Variants in GRM3 observed in about 807,000 individuals in gnomAD.
The protein encoded by GRM3 is metabotropic glutamate receptor 3.
A neutral mutation model predicts 70.5 loss-of-function variants in GRM3; 26 were observed. That is an observed-to-expected ratio of 0.37 (90% CI 0.27 to 0.51). The LOEUF (loss-of-function observed/expected upper bound fraction) is 0.51, where lower values mean the gene tolerates loss of function less well. Ranked by LOEUF, GRM3 falls within the 20% of genes least tolerant of loss-of-function variation. The probability of loss-of-function intolerance (pLI) is 0.93; values close to 1 mark genes in which losing one functional copy is unlikely to be tolerated. For synonymous variants in GRM3, 443 were observed against 434.9 expected (o/e 1.02, Z -0.23); for missense variants, 859 against 1,123.8 (o/e 0.76, Z 3.37).
In GRM3 at chr7:86,839,475, T is replaced by C. The variant is rs761847444; in HGVS notation, c.1961T>C (p.Ile654Thr). 6.2e-7 allele frequency: 1 copy of C among 1,612,014 alleles called. No individual in the cohort carries two copies. The highest frequency in any genetic ancestry group is 2.2e-5 in the East Asian group (1 of 44,860). Residue 654 changes from isoleucine to threonine, a missense_variant, in exon 4 of 6, where the codon ATC becomes ACC. By Grantham distance (89) the Ile-to-Thr change is moderately conservative. Transcript: ENST00000361669. The surrounding 1 kb of genome is among the most constrained non-coding windows in gnomAD (Gnocchi z 4.5). ...RRLGLGSSFA[I>T]CYSALLTKTN... ...CTCGGGCTGGGGAGTTCCTTCGCTA[T>C]CTGTTACTCAGCCCTGCTGACCAAG...
At chr7:86,668,071 G>A (rs749174088) in intron 1 of GRM3, among the ~76,000 whole-genome samples, 1 of 152,132 alleles carries the variant, frequency 6.6e-6, no homozygotes, top group African/African-American at 2.4e-5. Context: ...TTATGGATAT[G>A]AATTAAAAGT....
intron 1 of GRM3, among the ~76,000 whole-genome samples, chr7:86,692,967 A>T (rs1794727975): frequency 6.6e-6 from 1 of 152,210 alleles, no homozygotes. Flanking sequence ...CAGACTGGAC[A>T]GATCCGTCAT....
intron 1 of GRM3, among the ~76,000 whole-genome samples, chr7:86,744,034 T>C (rs1047736830): frequency 2.0e-5 from 3 of 152,074 alleles, no homozygotes; most frequent in Admixed American, 6.6e-5. Context: ...AAAACAGAGA[T>C]GCCAAGAGCT....
intron 1 of GRM3, among the ~76,000 whole-genome samples, chr7:86,655,223 TTCC>T (rs895635167): frequency 5.3e-5 from 8 of 152,208 alleles, no homozygotes; most frequent in African/African-American, 1.2e-4. Context: ...ATGTGTTTTC[TTCC>T]TCCTTTCTCC....
intron 2 of GRM3, among the ~76,000 whole-genome samples, chr7:86,779,708 T>C (rs1796993887): frequency 6.6e-6 from 1 of 152,134 alleles, no homozygotes; most frequent in Non-Finnish European, 1.5e-5. Context: ...AAGTCAGGCA[T>C]TAGAACGGTT....
chr7:86,852,945 A>T (rs1798780754), intron 5 of GRM3, among the ~76,000 whole-genome samples: 1 of 152,184 alleles, frequency 6.6e-6, no homozygotes, highest in African/African-American at 2.4e-5. Context: ...TTCAATTAAA[A>T]ACTTTCCCAT....
intron 1 of GRM3, among the ~76,000 whole-genome samples, chr7:86,742,296 A>G (rs537895452): frequency 6.6e-6 from 1 of 152,302 alleles, no homozygotes; most frequent in East Asian, 1.9e-4. Flanking sequence ...ACTAGTTCAC[A>G]TTCAGCTGGC....
intron 3 of GRM3, among the ~76,000 whole-genome samples, chr7:86,807,887 T>C (rs1326538597): frequency 2.0e-5 from 3 of 152,208 alleles, no homozygotes; most frequent in African/African-American, 4.8e-5. Flanking sequence ...GGGTTTGTCA[T>C]AAATAGCTCT....
intron 3 of GRM3, among the ~76,000 whole-genome samples, chr7:86,826,668 A>C (rs1292902048): frequency 2.0e-5 from 3 of 152,232 alleles, no homozygotes; most frequent in Non-Finnish European, 2.9e-5. Context: ...TTCCATTTTC[A>C]TAAAGGGTTG....
chr7:86,702,102 A>G (rs1237885032), intron 1 of GRM3, among the ~76,000 whole-genome samples: 1 of 152,032 alleles, frequency 6.6e-6, no homozygotes, highest in Non-Finnish European at 1.5e-5. Context: ...AACTTAAAGT[A>G]AAATAATAAA....
chr7:86,823,284 A>G (rs527988913), intron 3 of GRM3, among the ~76,000 whole-genome samples: 1 of 152,242 alleles, frequency 6.6e-6, no homozygotes, highest in South Asian at 2.1e-4. Context: ...AGAGGCAAAG[A>G]TGGACAAGCC....
chr7:86,715,746 C>A (rs1191823914), intron 1 of GRM3, among the ~76,000 whole-genome samples: 1 of 152,012 alleles, frequency 6.6e-6, no homozygotes, highest in Non-Finnish European at 1.5e-5. Flanking sequence ...ATTCTAATAA[C>A]TCTTGAACCT....
chr7:86,689,380 C>T (rs1236154145), intron 1 of GRM3, among the ~76,000 whole-genome samples: 1 of 151,852 alleles, frequency 6.6e-6, no homozygotes, highest in Non-Finnish European at 1.5e-5. Context: ...AAATGTTATC[C>T]TATTGTAAGA....
chr7:86,786,067 C>T lies in GRM3; in HGVS notation c.469-194C>T, dbSNP rs992242711. 28 of 626,462 alleles carry T rather than the reference C, an allele frequency of 4.5e-5. No individual in the cohort carries two copies. In the East Asian group the frequency reaches 5.7e-4, roughly 13 times the overall value. The allele number at this position is 626,462 out of a possible 1,614,324, so 38.8% of individuals were successfully genotyped here. The stretch of plus-strand genomic sequence containing the variant: ...TGAAGCACACACTACCTGTGTGAGA[C>T]CTGCTTCCTAGTGTCCAAAATACAG... On this transcript the variant is annotated intron_variant, in intron 2 of 5. Transcript: ENST00000361669. This position sits in a 1 kb window ranked among gnomAD's most constrained non-coding sequence, Gnocchi z 6.0.
At chr7:86,864,210 G>A in intron 5 of GRM3, 72 bp from the exon 6 acceptor site, 3 of 803,768 alleles carry the variant, frequency 3.7e-6, no homozygotes, top group Non-Finnish European at 6.8e-6. Context: ...AAAGTCCATT[G>A]TATCCTTCAT....
intron 1 of GRM3, among the ~76,000 whole-genome samples, chr7:86,748,920 C>A (rs201225415): frequency 1.3e-5 from 2 of 152,168 alleles, no homozygotes; most frequent in Non-Finnish European, 2.9e-5. Context: ...AATTCCAAGA[C>A]AGAGGTCCAG....
chr7:86,731,853 T>C (rs886672537), intron 1 of GRM3, among the ~76,000 whole-genome samples: 10 of 152,160 alleles, frequency 6.6e-5, no homozygotes, highest in South Asian at 2.1e-4. Flanking sequence ...TGAACCCACA[T>C]CTTAATTTTT....
intron 3 of GRM3, among the ~76,000 whole-genome samples, chr7:86,799,152 C>G (rs1238530333): frequency 6.6e-6 from 1 of 152,094 alleles, no homozygotes; most frequent in African/African-American, 2.4e-5. Context: ...TGGCTCTCTG[C>G]TCATCTATTG....
At chr7:86,748,296 C>T (rs372258939) in intron 1 of GRM3, among the ~76,000 whole-genome samples, 77 of 152,010 alleles carry the variant, frequency 5.1e-4, no homozygotes, top group African/African-American at 1.6e-3. Flanking sequence ...ACTAACCATC[C>T]CCCTCAGGAA....
Sources: allele counts gnomAD v4.1 joint callset (sites outside exome capture counted in the v4.1 genomes callset), GRCh38; gene constraint gnomAD v4.1.1; non-coding constraint Gnocchi (gnomAD v3.1); transcripts MANE v1.5; gene names NCBI Gene and HGNC (gene_info 2026-07-23, HGNC 2026-07-21).